Variants in COL8A1 observed in about 807,000 individuals in gnomAD.
COL8A1 encodes the protein collagen alpha-1(VIII) chain.
Under a neutral mutation model 42.7 loss-of-function variants are expected in COL8A1, and 21 were observed. That is an observed-to-expected ratio of 0.49 (90% CI 0.35 to 0.71). The LOEUF is 0.71. Ranked by LOEUF, COL8A1 falls within the 30% of genes least tolerant of loss-of-function variation. COL8A1 has a pLI of 0.01. For missense variants in COL8A1, 788 were observed against 962.4 expected (o/e 0.82, Z 2.40); for synonymous variants, 367 against 369.1 (o/e 0.99, Z 0.06).
At chr3:99,739,577 C>T (rs765269167) in intron 1 of COL8A1, among the ~76,000 whole-genome samples, 6 of 152,220 alleles carry the variant, frequency 3.9e-5, no homozygotes, top group Non-Finnish European at 8.8e-5. Flanking sequence ...ACAGACTCAA[C>T]ATCACATGGA....
chr3:99,674,261 G>A (rs766317156), intron 1 of COL8A1, among the ~76,000 whole-genome samples: 10 of 151,970 alleles, frequency 6.6e-5, no homozygotes, highest in Non-Finnish European at 1.5e-4. Flanking sequence ...TGTGGCCAGA[G>A]TGTGCCTTCA....
At chr3:99,756,744 A>G (rs1941261576) in intron 2 of COL8A1, among the ~76,000 whole-genome samples, 2 of 152,226 alleles carry the variant, frequency 1.3e-5, no homozygotes, top group South Asian at 4.1e-4. Flanking sequence ...ATTTGGGGAC[A>G]GTACCATCAC....
rs773257576 is a variant in COL8A1, at chr3:99,794,129, C to G, written c.329-101C>G. 1 of 729,072 alleles carries G rather than the reference C, an allele frequency of 1.4e-6. No homozygotes were observed. The highest frequency in any genetic ancestry group is 2.2e-6 in the Non-Finnish European group (1 of 445,772). 45.2% of individuals were successfully genotyped at this position (729,072 alleles called of 1,614,324 possible). A position where few individuals can be genotyped will look rare whatever the true frequency, so the allele number is the denominator to read the frequency against. On this transcript the variant is annotated intron_variant, in intron 3 of 3. Transcript: ENST00000652472. This position sits in a 1 kb window ranked among gnomAD's most constrained non-coding sequence, Gnocchi z 4.3. ...TAAGTATTAGGCAAATGTGTCAGAA[C>G]TAAATAATGGTTGTCAGTACTTCAT...
At chr3:99,660,067 A>G (rs1172903123) in intron 1 of COL8A1, among the ~76,000 whole-genome samples, 1 of 152,242 alleles carries the variant, frequency 6.6e-6, no homozygotes, top group African/African-American at 2.4e-5. Flanking sequence ...CTGGTTTTTA[A>G]TAAACTGCAG....
intron 1 of COL8A1, among the ~76,000 whole-genome samples, chr3:99,647,421 T>G (rs1188920920): frequency 6.6e-6 from 1 of 152,204 alleles, no homozygotes; most frequent in Non-Finnish European, 1.5e-5. Context: ...GCCTTTGTTC[T>G]ATGGCTCAAT....
intron 1 of COL8A1, among the ~76,000 whole-genome samples, chr3:99,665,317 A>C (rs1938331638): frequency 6.6e-6 from 1 of 152,232 alleles, no homozygotes; most frequent in Admixed American, 6.5e-5. Flanking sequence ...ACTTCTCTAC[A>C]GGCAGATGGT....
At chr3:99,719,299 C>T (rs1034265217) in intron 1 of COL8A1, among the ~76,000 whole-genome samples, 2 of 151,996 alleles carry the variant, frequency 1.3e-5, no homozygotes, top group Non-Finnish European at 2.9e-5. Context: ...TTAGCAGATA[C>T]AAATATTTTT....
intron 1 of COL8A1, among the ~76,000 whole-genome samples, chr3:99,695,335 AT>A (rs1268385740): frequency 6.6e-6 from 1 of 152,224 alleles, no homozygotes; most frequent in Non-Finnish European, 1.5e-5. Flanking sequence ...AGCATAAATG[AT>A]TTTTAAACAA....
At chr3:99,740,222 C>T (rs142509266) in intron 1 of COL8A1, among the ~76,000 whole-genome samples, 93 of 152,304 alleles carry the variant, frequency 6.1e-4, no homozygotes, top group African/African-American at 1.9e-3. Flanking sequence ...CCACATTTTC[C>T]TGTCTTTCTC....
At chr3:99,742,428 T>C (rs1364055402) in intron 1 of COL8A1, among the ~76,000 whole-genome samples, 2 of 152,196 alleles carry the variant, frequency 1.3e-5, no homozygotes, top group Non-Finnish European at 2.9e-5. Flanking sequence ...GTTCCTGCAA[T>C]GGTGCTTGAA....
At chr3:99,743,881 T>C (rs1940958555) in intron 1 of COL8A1, among the ~76,000 whole-genome samples, 1 of 152,194 alleles carries the variant, frequency 6.6e-6, no homozygotes, top group Non-Finnish European at 1.5e-5. Context: ...TCTAAATGAC[T>C]GAAGTTGTTC....
chr3:99,782,201 G>C (rs1003662158), intron 2 of COL8A1, among the ~76,000 whole-genome samples: 5 of 152,050 alleles, frequency 3.3e-5, no homozygotes, highest in African/African-American at 9.6e-5. Context: ...TTGGTTTCTG[G>C]ACAAGTATAG....
intron 1 of COL8A1, among the ~76,000 whole-genome samples, chr3:99,645,059 A>T (rs1937617599): frequency 6.6e-6 from 1 of 152,222 alleles, no homozygotes; most frequent in Non-Finnish European, 1.5e-5. Context: ...ACCGAAGAGC[A>T]CTGTGATGGG....
chr3:99,769,811 C>T (rs1941542458), intron 2 of COL8A1, among the ~76,000 whole-genome samples: 1 of 152,022 alleles, frequency 6.6e-6, no homozygotes, highest in Admixed American at 6.6e-5. Flanking sequence ...CCCAGCTACT[C>T]AAGAGGCTGA....
intron 1 of COL8A1, among the ~76,000 whole-genome samples, chr3:99,708,860 C>A (rs1353860314): frequency 6.6e-6 from 1 of 152,100 alleles, no homozygotes; most frequent in Non-Finnish European, 1.5e-5. Context: ...TTCTTTCTTT[C>A]TATTTTTTTC....
At chr3:99,768,030 T>C (rs181248146) in intron 2 of COL8A1, among the ~76,000 whole-genome samples, 113 of 152,286 alleles carry the variant, frequency 7.4e-4, no homozygotes, top group Admixed American at 1.4e-3. Context: ...TTGAGATCGG[T>C]ACATAACTAA....
intron 2 of COL8A1, among the ~76,000 whole-genome samples, chr3:99,759,899 T>C (rs999685210): frequency 1.3e-5 from 2 of 152,224 alleles, no homozygotes; most frequent in Admixed American, 1.3e-4. Context: ...CGTGTGATCA[T>C]GGTTCTTTGA....
At chr3:99,696,976 A>AT (rs34865022) in intron 1 of COL8A1, among the ~76,000 whole-genome samples, 1,792 of 88,034 alleles carry the variant, frequency 0.02, 184 homozygotes, top group Non-Finnish European at 0.024. Context: ...ATATACACAA[A>AT]TTTTTTTTTT....
chr3:99,687,426 A>G (rs1390328223), intron 1 of COL8A1, among the ~76,000 whole-genome samples: 5 of 151,816 alleles, frequency 3.3e-5, no homozygotes, highest in African/African-American at 4.9e-5. Flanking sequence ...TTATCTGTTC[A>G]CGTGTGTGTG....
Sources: gnomAD v4.1 joint callset for allele counts (sites outside exome capture counted in the v4.1 genomes callset) on GRCh38, gnomAD v4.1.1 for gene constraint, Gnocchi (gnomAD v3.1) non-coding constraint, MANE v1.5 for transcripts, NCBI Gene and HGNC (gene_info 2026-07-23, HGNC 2026-07-21) for gene names.